The following ZNF16 variants were observed in gnomAD, a reference collection of about 807,000 sequenced individuals.
ZNF16 encodes the protein zinc finger protein 16.
A neutral mutation model predicts 9.0 loss-of-function variants in ZNF16; 7 were observed. The ratio of observed to expected loss-of-function variants is 0.78; its 90% CI spans 0.44 to 1.47. The LOEUF is 1.47. Ranked by LOEUF, ZNF16 falls within the 40% of genes most tolerant of loss-of-function variation. The pLI is 0.01. For missense variants in ZNF16, 830 were observed against 854.2 expected, an observed-to-expected ratio of 0.97 and a Z score of 0.35; for synonymous variants, 312 against 301.5, an observed-to-expected ratio of 1.03 and a Z score of -0.36.
In ZNF16 at chr8:144,931,491, G is replaced by A. The variant is rs145159168; in HGVS notation, c.1296C>T (p.Pro432=). 3,681 of 1,614,108 alleles carry A rather than the reference G, an allele frequency of 2.3e-3. 8 individuals are homozygous for A. Among genetic ancestry groups the A allele is most frequent in the Non-Finnish European group, 2.7e-3 (3,227 of 1,180,014 alleles). The part of the protein sequence containing the change: ...KHHRVHTGEK[P]YKCSDCGKAF... ...CTTTCCCACAGTCACTGCACTTATA[G>A]GGCTTCTCTCCAGTGTGAACCCTGT... The change falls in exon 3 of 3, where the codon CCC becomes CCT. Residue 432 remains proline (P), a synonymous_variant. Transcript: ENST00000394909.
Position 144,931,404 on chromosome 8 carries a change from G to T in ZNF16, c.1383C>A (p.His461Gln). 1.2e-6 allele frequency: 2 copies of T among 1,613,978 alleles called. No homozygotes were observed. The highest frequency in any genetic ancestry group is 1.1e-5 in the South Asian group (1 of 91,084). ...HRRIHTGEKPHVCNVCGKAFS... is the reference protein window; with the variant it reads ...HRRIHTGEKPQVCNVCGKAFS... ...AGGCTTTTCCACATACATTACACACGTGAGGCTTTTCTCCAGTGTGAATTC... is the reference window on the plus strand; with the variant it reads ...AGGCTTTTCCACATACATTACACACTTGAGGCTTTTCTCCAGTGTGAATTC... The change falls in exon 3 of 3, where the codon CAC (histidine) becomes CAA (glutamine). Residue 461 changes from histidine (H) to glutamine (Q), a missense_variant. Physicochemically the swap from His to Gln is conservative, Grantham distance 24. Coordinates refer to ENST00000394909, the MANE Select transcript of ZNF16 (RefSeq NM_006958.3).
In ZNF16 at chr8:144,930,692, T is replaced by C. The variant is rs375151323; in HGVS notation, c.*46A>G. 4.6e-6 allele frequency: 7 copies of C among 1,510,966 alleles called. No homozygotes were observed. Among genetic ancestry groups the C allele is most frequent in the East Asian group, 2.3e-5 (1 of 43,832 alleles). The allele number at this position is 1,510,966 out of a possible 1,614,324, so 93.6% of individuals were successfully genotyped here. ...GGCTGAGACAATGGCCAAAGAGGAG[T>C]TGGAGAGGAAACTATGCTCGGTTTC... On this transcript the variant is annotated 3_prime_UTR_variant, in exon 3 of 3. Coordinates refer to ENST00000394909, the MANE Select transcript of ZNF16 (RefSeq NM_006958.3).
In ZNF16 at chr8:144,933,922, G is replaced by C. The variant is rs1398588850; in HGVS notation, c.197-1332C>G. ...ACAGCCTGGATCACTCCCTGAAACAGGACTGCATCCCCCAAAGTGGAAGAC... is the reference window on the plus strand; with the variant it reads ...ACAGCCTGGATCACTCCCTGAAACACGACTGCATCCCCCAAAGTGGAAGAC... On this transcript the variant is annotated intron_variant, in intron 2 of 2. Coordinates refer to ENST00000394909, the MANE Select transcript of ZNF16 (RefSeq NM_006958.3). This position sits in a 1 kb window ranked among gnomAD's most constrained non-coding sequence, Gnocchi z 5.6. 6.6e-6 allele frequency among the ~76,000 whole-genome samples: 1 copy of C among 152,160 alleles called. No homozygotes were observed. The highest frequency in any genetic ancestry group is 1.5e-5 in the Non-Finnish European group (1 of 68,020).
At chr8:144,943,263 G>C in intron 2 of ZNF16, among the ~76,000 whole-genome samples, 1 of 152,000 alleles carries the variant, frequency 6.6e-6, no homozygotes. Context: ...CTCCTCTCTT[G>C]CTGCTTTCAA....
intron 2 of ZNF16, among the ~76,000 whole-genome samples, chr8:144,943,811 C>T (rs958534634): frequency 4.6e-5 from 7 of 151,848 alleles, no homozygotes; most frequent in South Asian, 4.1e-4. Context: ...TGAGCCACAA[C>T]GCCCAGCCAT....
intron 1 of ZNF16, among the ~76,000 whole-genome samples, chr8:144,950,235 T>C (rs908586834): frequency 2.7e-4 from 41 of 152,312 alleles, no homozygotes; most frequent in African/African-American, 9.6e-4. Context: ...CCTGCTCTCC[T>C]ACTGCATTCC....
Position 144,930,728 on chromosome 8 carries a change from G to A in ZNF16, c.*10C>T. ...ACTATGCTCGGTTTCACTCCTGCCA[G>A]CCCAACAGCCTATTCCCTGGTGTGA... is the stretch of plus-strand genomic sequence containing the variant. On this transcript the variant is annotated 3_prime_UTR_variant, in exon 3 of 3. Transcript: ENST00000394909. 1 of 1,518,458 alleles carries A rather than the reference G, an allele frequency of 6.6e-7. No homozygotes were observed. Among genetic ancestry groups the A allele is most frequent in the Non-Finnish European group, 8.8e-7 (1 of 1,135,176 alleles). The allele number at this position is 1,518,458 out of a possible 1,614,324, so 94.1% of individuals were successfully genotyped here.
In ZNF16 at chr8:144,946,118, C is replaced by A. The variant is rs372773364; in HGVS notation, c.89G>T (p.Arg30Leu). 6.2e-7 allele frequency: 1 copy of A among 1,607,924 alleles called. No individual in the cohort carries two copies. The highest frequency in any genetic ancestry group is 1.7e-5 in the Admixed American group (1 of 59,834). The change falls in exon 2 of 3, where the codon CGT (arginine) becomes CTT (leucine). Residue 30 changes from arginine to leucine, a missense_variant. Transcript: ENST00000394909. ...PSPWTPAAQA[R>L]VRDAPAVTHP... ...GGTCACAGCAGGAGCATCTCTCACACGGGCCTGGGCTGCAGGGGTCCAGGG... is the reference window on the plus strand; with the variant it reads ...GGTCACAGCAGGAGCATCTCTCACAAGGGCCTGGGCTGCAGGGGTCCAGGG...
At chr8:144,937,072 C>A (rs1037287989) in intron 2 of ZNF16, among the ~76,000 whole-genome samples, 9 of 151,454 alleles carry the variant, frequency 5.9e-5, no homozygotes, top group Admixed American at 1.3e-4. Context: ...ACATACTACA[C>A]CCTTATAAAA....
In ZNF16 at chr8:144,932,681, G is replaced by T; in HGVS notation, c.197-91C>A. ...CACAGTTGCACCCACTAACTGTGGA[G>T]GAGGCAAGGGGAGCAGGGGATCCTC... is the stretch of plus-strand genomic sequence containing the variant. On this transcript the variant is annotated intron_variant, in intron 2 of 2. Coordinates refer to ENST00000394909, the MANE Select transcript of ZNF16 (RefSeq NM_006958.3). The surrounding 1 kb of genome is among the most constrained non-coding windows in gnomAD (Gnocchi z 5.0). The T allele has an allele frequency of 7.4e-7, 1 of 1,358,740 alleles. No individual in the cohort carries two copies. The highest frequency in any genetic ancestry group is 2.0e-5 in the Admixed American group (1 of 49,126). 84.2% of individuals were successfully genotyped at this position (1,358,740 alleles called of 1,614,324 possible).
chr8:144,946,552 G>GGGGCCTGTGTACTGCTGC (rs1563925523), intron 1 of ZNF16, among the ~76,000 whole-genome samples: 1 of 82,014 alleles, frequency 1.2e-5, no homozygotes, highest in African/African-American at 4.3e-5. Context: ...GTACTGCTGT[G>GGGGCCTGTGTACTGCTGC]GGGCCTGTAC....
Position 144,933,544 on chromosome 8 carries a change from T to C in ZNF16, c.197-954A>G, listed in dbSNP as rs1329672066. ...TACTCAAATGAAGATGTCACGAGTC[T>C]CTCATTCAAACTGACATCCCAGGCC... On this transcript the variant is annotated intron_variant, in intron 2 of 2. Transcript: ENST00000394909. This position sits in a 1 kb window ranked among gnomAD's most constrained non-coding sequence, Gnocchi z 5.6. Among the ~76,000 whole-genome samples, 1 of 152,054 alleles carries C rather than the reference T, an allele frequency of 6.6e-6. No homozygotes were observed. The highest frequency in any genetic ancestry group is 1.9e-4 in the East Asian group (1 of 5,188).
chr8:144,931,438 T>C lies in ZNF16; in HGVS notation c.1349A>G (p.Gln450Arg). The C allele has an allele frequency of 6.2e-7, 1 of 1,614,162 alleles. No homozygotes were observed. The highest frequency in any genetic ancestry group is 1.7e-5 in the Admixed American group (1 of 60,024). ...KAFSQSSSLI[Q>R]HRRIHTGEKP... ...TTCTCCAGTGTGAATTCTCCGATGCTGAATAAGGCTGGAGCTCTGACTAAA... is the reference window on the plus strand; with the variant it reads ...TTCTCCAGTGTGAATTCTCCGATGCCGAATAAGGCTGGAGCTCTGACTAAA... Residue 450 changes from glutamine to arginine, a missense_variant, in exon 3 of 3, where the codon CAG (glutamine) becomes CGG (arginine). Transcript: ENST00000394909.
At chr8:144,935,203 G>GA (rs1833653594) in intron 2 of ZNF16, among the ~76,000 whole-genome samples, 1 of 127,462 alleles carries the variant, frequency 7.8e-6, no homozygotes, top group Admixed American at 7.6e-5. Flanking sequence ...TTTCCTTTAA[G>GA]AAAAATTTTT....
rs778743208 is a variant in ZNF16, at chr8:144,931,617, T to C, written c.1170A>G (p.Ala390=). The C allele has an allele frequency of 1.2e-5, 19 of 1,613,846 alleles. No individual in the cohort carries two copies. The highest frequency in any genetic ancestry group is 6.7e-5 in the African/African-American group (5 of 74,844). ...GECGKAFSQS[A]HLRKHQRVHT... is the part of the protein sequence containing the mutation. ...GGACCCTCTGGTGCTTCCTCAGGTGTGCACTCTGGCTGAAGGCTTTCCCAC... is the reference window on the plus strand; with the variant it reads ...GGACCCTCTGGTGCTTCCTCAGGTGCGCACTCTGGCTGAAGGCTTTCCCAC... Residue 390 remains alanine, a synonymous_variant, in exon 3 of 3, where the codon GCA becomes GCG. Transcript: ENST00000394909.
At position 144,932,441 on chromosome 8, in the gene ZNF16, T is replaced by C. The variant is rs1378784132; in HGVS notation, c.346A>G (p.Arg116Gly). The C allele has an allele frequency of 8.1e-6, 13 of 1,614,102 alleles. No individual in the cohort carries two copies. Among genetic ancestry groups the C allele is most frequent in the Non-Finnish European group, 1.1e-5 (13 of 1,180,046 alleles). ...CTGCCTTCGGGGACTCCCCAGTCTC[T>C]TTCTGATACATCATCACACAGATCT... is the stretch of plus-strand genomic sequence containing the variant. ...LGDLCDDVSE[R>G]DWGVPEGRRL... is the part of the protein sequence containing the mutation. The change falls in exon 3 of 3, where the codon AGA becomes GGA. Residue 116 changes from arginine (R) to glycine (G), a missense_variant. By Grantham distance (125) the Arg-to-Gly change is moderately radical (BLOSUM62 -2). Transcript: ENST00000394909. The surrounding 1 kb of genome is among the most constrained non-coding windows in gnomAD (Gnocchi z 5.0).
chr8:144,944,968 T>G (rs1008649827), intron 2 of ZNF16: 7 of 152,216 alleles, frequency 4.6e-5, no homozygotes, highest in African/African-American at 1.7e-4. Context: ...TTTTAAACGC[T>G]GTTTACAACT....
chr8:144,946,748 T>G (rs74565957), intron 1 of ZNF16, among the ~76,000 whole-genome samples: 4 of 77,620 alleles, frequency 5.2e-5, no homozygotes, highest in African/African-American at 1.1e-4. Context: ...GCCATACCCT[T>G]CTGTGGGCCT....
In ZNF16 at chr8:144,932,238, A is replaced by G. The variant is rs767767276; in HGVS notation, c.549T>C (p.Tyr183=). ...EIPTEERPHP[Y]DMGGQSFQHS... ...GCTGGAAACTCTGGCCACCCATGTC[A>G]TATGGATGTGGCCTCTCTTCTGTAG... Residue 183 remains tyrosine (Y), a synonymous_variant, in exon 3 of 3, where the codon TAT becomes TAC. Transcript: ENST00000394909. This position sits in a 1 kb window ranked among gnomAD's most constrained non-coding sequence, Gnocchi z 5.0. The G allele has an allele frequency of 6.2e-7, 1 of 1,614,190 alleles. No homozygotes were observed. Among genetic ancestry groups the G allele is most frequent in the Non-Finnish European group, 8.5e-7 (1 of 1,180,036 alleles).
Sources: allele counts gnomAD v4.1 joint callset (sites outside exome capture counted in the v4.1 genomes callset), GRCh38; gene constraint gnomAD v4.1.1; non-coding constraint Gnocchi (gnomAD v3.1); transcripts MANE v1.5; gene names NCBI Gene and HGNC (gene_info 2026-07-23, HGNC 2026-07-21).